Variants in ADGRL3 observed in about 807,000 individuals in gnomAD.
The protein encoded by ADGRL3 is calcium-independent alpha-latrotoxin receptor 3.
A neutral mutation model predicts 153.5 loss-of-function variants in ADGRL3; 62 were observed. That is an observed-to-expected ratio of 0.40 (90% confidence interval 0.33 to 0.50). The LOEUF (loss-of-function observed/expected upper bound fraction) is 0.50. Ranked by LOEUF, ADGRL3 falls within the 20% of genes least tolerant of loss-of-function variation. ADGRL3 has a pLI of 0.47. For missense variants in ADGRL3, 1,641 were observed against 1,859.4 expected, an observed-to-expected ratio of 0.88 and a Z score of 2.16; for synonymous variants, 710 against 672.5, an observed-to-expected ratio of 1.06 and a Z score of -0.86.
intron 9 of ADGRL3, among the ~76,000 whole-genome samples, chr4:61,868,539 G>A (rs527381315): frequency 6.6e-6 from 1 of 152,160 alleles, no homozygotes; most frequent in South Asian, 2.1e-4. Flanking sequence ...ACTTTACAAT[G>A]CACACTACCT....
chr4:61,691,388 T>C (rs1041337819), intron 6 of ADGRL3, among the ~76,000 whole-genome samples: 1 of 152,168 alleles, frequency 6.6e-6, no homozygotes, highest in African/African-American at 2.4e-5. Flanking sequence ...ATGAAGGCCA[T>C]ATTGGCCTTG....
At chr4:61,738,461 G>A (rs572172548) in intron 8 of ADGRL3, among the ~76,000 whole-genome samples, 10 of 152,190 alleles carry the variant, frequency 6.6e-5, no homozygotes, top group African/African-American at 2.4e-4. Flanking sequence ...AGGGTCAGAT[G>A]GTAGTTCTAC....
At chr4:61,707,344 A>G (rs1258203724) in intron 6 of ADGRL3, among the ~76,000 whole-genome samples, 2 of 152,194 alleles carry the variant, frequency 1.3e-5, no homozygotes, top group Non-Finnish European at 2.9e-5. Context: ...GACTTGCTCC[A>G]TTCTGGGTTG....
intron 2 of ADGRL3, among the ~76,000 whole-genome samples, chr4:61,444,891 A>C (rs1279845420): frequency 6.6e-6 from 1 of 151,938 alleles, no homozygotes. Flanking sequence ...TGTCCCTATA[A>C]AAAATACAAA....
intron 5 of ADGRL3, among the ~76,000 whole-genome samples, chr4:61,601,613 A>AGAT (rs2099011956): frequency 6.6e-6 from 1 of 152,178 alleles, no homozygotes; most frequent in South Asian, 2.1e-4. Flanking sequence ...TTCAGAACCT[A>AGAT]GATGATATTA....
At chr4:61,706,541 C>T (rs1275807614) in intron 6 of ADGRL3, among the ~76,000 whole-genome samples, 1 of 152,018 alleles carries the variant, frequency 6.6e-6, no homozygotes, top group Non-Finnish European at 1.5e-5. Flanking sequence ...ACTGTAGCTT[C>T]TACATCCGCA....
chr4:61,549,598 G>A (rs892015561), intron 4 of ADGRL3, among the ~76,000 whole-genome samples: 5 of 147,588 alleles, frequency 3.4e-5, no homozygotes, highest in African/African-American at 1.3e-4. Context: ...CTCTGTGGAA[G>A]ACTAGATGTT....
intron 1 of ADGRL3, among the ~76,000 whole-genome samples, chr4:61,230,339 G>T (rs1750060248): frequency 6.6e-6 from 1 of 152,110 alleles, no homozygotes; most frequent in African/African-American, 2.4e-5. Context: ...TAATTAAGAT[G>T]AAACAGTGCT....
intron 2 of ADGRL3, among the ~76,000 whole-genome samples, chr4:61,402,626 A>G (rs1253623080): frequency 6.6e-6 from 1 of 152,046 alleles, no homozygotes; most frequent in Non-Finnish European, 1.5e-5. Flanking sequence ...TTTGCTGCCC[A>G]GAGAGGGGAG....
At chr4:61,297,025 A>G (rs1487569982) in intron 1 of ADGRL3, among the ~76,000 whole-genome samples, 1 of 152,182 alleles carries the variant, frequency 6.6e-6, no homozygotes, top group East Asian at 1.9e-4. Context: ...TACTCCAAAG[A>G]TACCATAAAC....
At chr4:61,824,656 C>A (rs1040119846) in intron 9 of ADGRL3, among the ~76,000 whole-genome samples, 6 of 152,132 alleles carry the variant, frequency 3.9e-5, no homozygotes, top group Non-Finnish European at 7.3e-5. Context: ...CCAAATGTAA[C>A]AGTCTGCTCA....
intron 26 of ADGRL3, among the ~76,000 whole-genome samples, chr4:62,068,827 T>A (rs1013528762): frequency 6.6e-6 from 1 of 152,210 alleles, no homozygotes; most frequent in African/African-American, 2.4e-5. Flanking sequence ...ACTGTCTTAC[T>A]TGAATACACA....
chr4:61,821,923 T>G (rs1426260196), intron 9 of ADGRL3, among the ~76,000 whole-genome samples: 1 of 152,154 alleles, frequency 6.6e-6, no homozygotes, highest in South Asian at 2.1e-4. Context: ...CTATTACAAA[T>G]TGGAAACATT....
chr4:61,431,871 T>C (rs1231728841), intron 2 of ADGRL3, among the ~76,000 whole-genome samples: 1 of 152,212 alleles, frequency 6.6e-6, no homozygotes, highest in Non-Finnish European at 1.5e-5. Context: ...GATAAGTTAA[T>C]GAATTTATCT....
chr4:61,880,473 C>T (rs116279950), intron 9 of ADGRL3, among the ~76,000 whole-genome samples: 1,642 of 152,200 alleles, frequency 0.011, 23 homozygotes, highest in South Asian at 0.052. Context: ...ATCAAAGTCA[C>T]AGTATAATTC....
chr4:61,669,863 AG>A (rs2094932035), intron 5 of ADGRL3, among the ~76,000 whole-genome samples: 1 of 152,230 alleles, frequency 6.6e-6, no homozygotes, highest in Non-Finnish European at 1.5e-5. Flanking sequence ...TCATTTAAAA[AG>A]TTTCTTAGCA....
At chr4:61,562,330 A>G (rs2098798579) in intron 4 of ADGRL3, among the ~76,000 whole-genome samples, 1 of 152,160 alleles carries the variant, frequency 6.6e-6, no homozygotes, top group Non-Finnish European at 1.5e-5. Flanking sequence ...CGGCTGTGGC[A>G]ATTTCTTAAA....
chr4:61,621,324 C>G (rs2092495933), intron 5 of ADGRL3, among the ~76,000 whole-genome samples: 1 of 152,032 alleles, frequency 6.6e-6, no homozygotes. Flanking sequence ...TGATTTTAAG[C>G]AGCAACAATG....
At chr4:61,640,166 A>T (rs950129162) in intron 5 of ADGRL3, among the ~76,000 whole-genome samples, 1 of 152,126 alleles carries the variant, frequency 6.6e-6, no homozygotes, top group South Asian at 2.1e-4. Flanking sequence ...GCTGCCACTA[A>T]TCAAAGCTGT....
Sources: gnomAD v4.1 joint callset for allele counts (sites outside exome capture counted in the v4.1 genomes callset) on GRCh38, gnomAD v4.1.1 for gene constraint, MANE v1.5 for transcripts, NCBI Gene and HGNC (gene_info 2026-07-23, HGNC 2026-07-21) for gene names.